Variants in TSHZ2 observed in about 807,000 individuals in gnomAD.
The protein encoded by TSHZ2 is teashirt zinc finger homeobox 2.
TSHZ2 carries 21 observed loss-of-function variants against 74.4 expected under a neutral mutation model. That is an observed-to-expected ratio of 0.28 (90% CI 0.20 to 0.41). TSHZ2 has a LOEUF of 0.41. TSHZ2 is among the 10% of genes least tolerant of loss of function. The pLI is 1.00. For missense variants in TSHZ2, 1,244 were observed against 1,293.5 expected, an observed-to-expected ratio of 0.96 and a Z score of 0.59; for synonymous variants, 540 against 515.3, an observed-to-expected ratio of 1.05 and a Z score of -0.65.
intron 1 of TSHZ2, among the ~76,000 whole-genome samples, chr20:52,985,955 C>G (rs1055254712): frequency 1.3e-5 from 2 of 152,160 alleles, no homozygotes; most frequent in Admixed American, 1.3e-4. Flanking sequence ...AGTAATGTCC[C>G]TTCTTCATAC....
chr20:53,313,211 T>C (rs149884847), intron 2 of TSHZ2, among the ~76,000 whole-genome samples: 1 of 152,364 alleles, frequency 6.6e-6, no homozygotes, highest in Non-Finnish European at 1.5e-5. Context: ...GCCTCATTTA[T>C]TTGACGTGGA....
chr20:53,345,558 C>T (rs771433929), intron 2 of TSHZ2, among the ~76,000 whole-genome samples: 1 of 152,112 alleles, frequency 6.6e-6, no homozygotes, highest in Non-Finnish European at 1.5e-5. Context: ...TTGTGAGGAA[C>T]TACTTCACTC....
At chr20:53,239,068 C>G (rs567924637) in intron 1 of TSHZ2, among the ~76,000 whole-genome samples, 6 of 152,142 alleles carry the variant, frequency 3.9e-5, no homozygotes, top group Non-Finnish European at 8.8e-5. Flanking sequence ...ATGAACCAGA[C>G]AGATAAGTCT....
intron 2 of TSHZ2, among the ~76,000 whole-genome samples, chr20:53,284,718 C>T (rs1568851735): frequency 6.6e-6 from 1 of 151,230 alleles, no homozygotes; most frequent in Non-Finnish European, 1.5e-5. Context: ...ACGCCCGTCC[C>T]CCCCACCCCC....
chr20:53,031,323 C>G (rs1342452042), intron 1 of TSHZ2, among the ~76,000 whole-genome samples: 1 of 152,182 alleles, frequency 6.6e-6, no homozygotes, highest in Non-Finnish European at 1.5e-5. Context: ...CAACATTCAG[C>G]CTTGTCAGTC....
At chr20:53,431,420 C>T (rs900723242) in intron 2 of TSHZ2, among the ~76,000 whole-genome samples, 1 of 150,576 alleles carries the variant, frequency 6.6e-6, no homozygotes, top group African/African-American at 2.5e-5. Flanking sequence ...CACGCCAGTG[C>T]ACTCCAGCCT....
chr20:53,205,005 C>T (rs1322431896), intron 1 of TSHZ2, among the ~76,000 whole-genome samples: 1 of 151,496 alleles, frequency 6.6e-6, no homozygotes, highest in East Asian at 1.9e-4. Context: ...GCAGGAGAAT[C>T]ACTTGAACCC....
intron 2 of TSHZ2, among the ~76,000 whole-genome samples, chr20:53,441,745 C>G (rs189873971): frequency 4.2e-4 from 64 of 152,050 alleles, no homozygotes; most frequent in Non-Finnish European, 8.1e-4. Flanking sequence ...CCTTGCCTGG[C>G]TAATTTTTGT....
At chr20:53,210,939 G>A (rs1600743522) in intron 1 of TSHZ2, among the ~76,000 whole-genome samples, 1 of 152,132 alleles carries the variant, frequency 6.6e-6, no homozygotes, top group East Asian at 1.9e-4. Context: ...AGTGTTTGGA[G>A]TTTCTAAAGA....
At chr20:53,482,846 T>C (rs6013706) in intron 2 of TSHZ2, among the ~76,000 whole-genome samples, 30,444 of 151,690 alleles carry the variant, frequency 0.2, 3,224 homozygotes, top group East Asian at 0.3. Context: ...GCAGAGGTTG[T>C]AGGGAGCCAA....
chr20:53,249,851 G>T (rs1311362393), intron 1 of TSHZ2, among the ~76,000 whole-genome samples: 1 of 152,196 alleles, frequency 6.6e-6, no homozygotes, highest in African/African-American at 2.4e-5. Flanking sequence ...AGTTAAAAGA[G>T]AGGGCTGTCA....
chr20:53,038,614 C>A (rs1425215029), intron 1 of TSHZ2, among the ~76,000 whole-genome samples: 1 of 152,192 alleles, frequency 6.6e-6, no homozygotes, highest in Non-Finnish European at 1.5e-5. Flanking sequence ...CTCATTCTGT[C>A]TACTTCTTTA....
chr20:53,191,437 TG>T (rs1988735512), intron 1 of TSHZ2, among the ~76,000 whole-genome samples: 1 of 151,904 alleles, frequency 6.6e-6, no homozygotes. Context: ...CCGAGGCGGG[TG>T]GATCACTTGA....
rs1016752941 is a variant in TSHZ2, at chr20:53,202,691, G to T, written c.41-50808G>T. ...AGAAATGTCTAAATTCTAAATCTTTGCTCTTGAATTCTTTACTGTATTGCC... is the reference window on the plus strand; with the variant it reads ...AGAAATGTCTAAATTCTAAATCTTTTCTCTTGAATTCTTTACTGTATTGCC... On this transcript the variant is annotated intron_variant, in intron 1 of 2. Transcript: ENST00000371497. Among the ~76,000 whole-genome samples, 17 of 152,266 alleles carry T rather than the reference G, an allele frequency of 1.1e-4. 1 individual carries two copies. Among genetic ancestry groups the T allele is most frequent in the Admixed American group, 7.2e-4 (11 of 15,286 alleles).
At chr20:52,986,821 A>G (rs1370261734) in intron 1 of TSHZ2, among the ~76,000 whole-genome samples, 3 of 152,244 alleles carry the variant, frequency 2.0e-5, no homozygotes, top group Non-Finnish European at 1.5e-5. Context: ...TATGACATAA[A>G]TTTTTGTTTT....
intron 2 of TSHZ2, among the ~76,000 whole-genome samples, chr20:53,338,769 T>C (rs986513032): frequency 1.3e-5 from 2 of 152,138 alleles, no homozygotes; most frequent in Non-Finnish European, 2.9e-5. Context: ...GCTCCAAATG[T>C]CAGGAGTACT....
At chr20:53,382,502 A>G (rs1209328009) in intron 2 of TSHZ2, among the ~76,000 whole-genome samples, 1 of 152,198 alleles carries the variant, frequency 6.6e-6, no homozygotes, top group African/African-American at 2.4e-5. Flanking sequence ...TTATCCCACC[A>G]TATGAGCCAA....
At position 53,256,070 on chromosome 20, in the gene TSHZ2, A is replaced by C. The variant is rs1306031237; in HGVS notation, c.2612A>C (p.Lys871Thr). Residue 871 changes from lysine to threonine, a missense_variant, in exon 2 of 3, where the codon AAA becomes ACA. This residue lies in a region of TSHZ2 where 185 missense variants were observed against 213.3 expected (regional missense o/e 0.87). Coordinates refer to ENST00000371497, the MANE Select transcript of TSHZ2 (RefSeq NM_173485.6). The surrounding 1 kb of genome is among the most constrained non-coding windows in gnomAD (Gnocchi z 4.3). ...ASSLFQTSEG[K>T]YLLSDLGPQE... ...AGCCTCTTCCAGACATCAGAGGGCA[A>C]ATACCTGCTGTCTGATCTGGGCCCA... 2.5e-6 allele frequency: 4 copies of C among 1,614,096 alleles called. No individual in the cohort carries two copies. The highest frequency in any genetic ancestry group is 1.1e-5 in the South Asian group (1 of 91,066).
intron 2 of TSHZ2, among the ~76,000 whole-genome samples, chr20:53,434,663 A>G (rs1345655183): frequency 6.6e-6 from 1 of 152,226 alleles, no homozygotes; most frequent in Non-Finnish European, 1.5e-5. Context: ...AACACACAGA[A>G]CCAAACAGAA....
Sources: allele counts gnomAD v4.1 joint callset (sites outside exome capture counted in the v4.1 genomes callset), GRCh38; gene constraint gnomAD v4.1.1; regional missense constraint gnomAD v4.1.1; non-coding constraint Gnocchi (gnomAD v3.1); transcripts MANE v1.5; gene names NCBI Gene and HGNC (gene_info 2026-07-23, HGNC 2026-07-21).